Variants in RIF1 observed in about 807,000 individuals in gnomAD.
RIF1 encodes the protein telomere-associated protein RIF1.
A neutral mutation model predicts 247.1 loss-of-function variants in RIF1; 45 were observed. The observed-to-expected ratio is 0.18, with a 90% CI of 0.14 to 0.23. RIF1 has a LOEUF of 0.23. RIF1 is among the 10% of genes least tolerant of loss of function. RIF1 has a pLI of 1.00. For missense variants in RIF1, 2,967 were observed against 2,862.5 expected, an observed-to-expected ratio of 1.04 and a Z score of -0.83; for synonymous variants, 1,087 against 978.8, an observed-to-expected ratio of 1.11 and a Z score of -2.06.
chr2:151,441,874 A>T (rs942801537), intron 15 of RIF1, 31 bp from the exon 16 acceptor site: 8 of 1,026,432 alleles, frequency 7.8e-6, no homozygotes, highest in Admixed American at 2.1e-5. Context: ...TTTTACGGCT[A>T]ATTTACTGTA....
chr2:151,531,901 AT>A, the RIF1 span: 942,743 of 1,566,634 alleles, frequency 0.6, 288,858 homozygotes, highest in Admixed American at 0.7. Flanking sequence ...TTTGATCTAA[AT>A]TGTGGAAGAG....
At chr2:151,521,661 A>T in the RIF1 span, among the ~76,000 whole-genome samples, 1 of 152,198 alleles carries the variant, frequency 6.6e-6, no homozygotes, top group African/African-American at 2.4e-5. Flanking sequence ...CTTTTAGAAG[A>T]TACTTGTTTC....
At chr2:151,455,577 T>C (rs888360592) in intron 22 of RIF1, among the ~76,000 whole-genome samples, 3 of 152,216 alleles carry the variant, frequency 2.0e-5, no homozygotes, top group African/African-American at 7.2e-5. Flanking sequence ...TTAGAAAAAT[T>C]AATAAAATGA....
At chr2:151,503,100 T>A in exon 12 of RIF1, 1 of 588,340 alleles carries the variant, frequency 1.7e-6, no homozygotes, top group Non-Finnish European at 3.0e-6. Context: ...CATTAAGTTA[T>A]ATAACGCTGA....
At chr2:151,489,081 A>G (rs2053818830) in intron 9 of RIF1, among the ~76,000 whole-genome samples, 1 of 152,154 alleles carries the variant, frequency 6.6e-6, no homozygotes, top group South Asian at 2.1e-4. Context: ...TTTATATTGG[A>G]ATTGAATGCA....
At chr2:151,517,364 G>A in the RIF1 span, among the ~76,000 whole-genome samples, 1 of 152,134 alleles carries the variant, frequency 6.6e-6, no homozygotes, top group African/African-American at 2.4e-5. Flanking sequence ...AAAGGCCTGG[G>A]GGCACATACT....
rs2058043130 is a variant in RIF1 at position 151,493,389 on chromosome 2, C to T, written c.*416-1840C>T. ...TTTCTTGGTTGCGCTTAGCTCTCTC[C>T]ATCTCTGGAGTAACAGGTGTCGGAG... On this transcript the variant is annotated intron_variant and NMD_transcript_variant, in intron 9 of 13. Coordinates refer to the RIF1 transcript ENST00000454583. The T allele has an allele frequency of 6.2e-7, 1 of 1,612,286 alleles. No homozygotes were observed. The highest frequency in any genetic ancestry group is 1.3e-5 in the African/African-American group (1 of 74,866).
At chr2:151,471,317 G>A (rs1020348096) in intron 34 of RIF1, among the ~76,000 whole-genome samples, 8 of 152,156 alleles carry the variant, frequency 5.3e-5, no homozygotes, top group African/African-American at 1.4e-4. Context: ...CATTCTGTAG[G>A]TTGCCTGTTC....
Position 151,420,355 on chromosome 2 carries a change from T to C in RIF1, c.669T>C (p.Ser223=), listed in dbSNP as rs1687952124. Residue 223 remains serine, a synonymous_variant, in exon 7 of 36, where the codon TCT becomes TCC. Coordinates refer to ENST00000444746, the MANE Select transcript of RIF1 (RefSeq NM_018151.5). ...LLLQKQQEIA[S]ITEQLMTTKL... is the part of the protein sequence containing the mutation. ...TTCAGAAACAGCAAGAAATAGCATCTATTACGGAGCAGCTTATGACTACTG... is the reference window on the plus strand; with the variant it reads ...TTCAGAAACAGCAAGAAATAGCATCCATTACGGAGCAGCTTATGACTACTG... 1 of 1,614,012 alleles carries C rather than the reference T, an allele frequency of 6.2e-7. No individual in the cohort carries two copies. The highest frequency in any genetic ancestry group is 1.3e-5 in the African/African-American group (1 of 74,930).
intron 21 of RIF1, among the ~76,000 whole-genome samples, chr2:151,453,708 G>A (rs563973596): frequency 8.2e-4 from 125 of 151,858 alleles, no homozygotes; most frequent in Non-Finnish European, 1.6e-3. Flanking sequence ...TAATGCTGTA[G>A]TTCTTTTTCA....
exon 14 of RIF1, chr2:151,507,887 G>T: frequency 1.4e-6 from 1 of 694,840 alleles, no homozygotes. Flanking sequence ...CCTGGGGCAG[G>T]ATGGGAGTTG....
At chr2:151,411,390 T>TG (rs1165135847) in intron 3 of RIF1, 52 bp downstream of exon 3, 1 of 1,271,040 alleles carries the variant, frequency 7.9e-7, no homozygotes, top group South Asian at 1.3e-5. Context: ...TTGGTTTTTT[T>TG]TTTTGGTTTT....
chr2:151,458,565 ATATAATATTC>A (rs1695610443), intron 24 of RIF1, among the ~76,000 whole-genome samples: 1 of 152,120 alleles, frequency 6.6e-6, no homozygotes, highest in Non-Finnish European at 1.5e-5. Flanking sequence ...TGAATACTTT[ATATAATATTC>A]TACTTCTTAT....
At chr2:151,491,976 T>C in intron 9 of RIF1, 2 of 1,141,934 alleles carry the variant, frequency 1.8e-6, no homozygotes, top group Non-Finnish European at 2.5e-6. Context: ...AGGAGCTTTC[T>C]TGCACCTCTA....
chr2:151,506,864 A>T (rs1447453577), intron 13 of RIF1: 1 of 1,252,942 alleles, frequency 8.0e-7, no homozygotes, highest in Middle Eastern at 2.0e-4. Flanking sequence ...GAGGAGAGTG[A>T]AATGACTAGG....
chr2:151,519,491 T>C, the RIF1 span, among the ~76,000 whole-genome samples: 1 of 151,900 alleles, frequency 6.6e-6, no homozygotes, highest in African/African-American at 2.4e-5. Context: ...GAATGGAGAG[T>C]TTTTGCTTAA....
intron 21 of RIF1, among the ~76,000 whole-genome samples, chr2:151,454,036 G>A (rs1036801601): frequency 6.6e-6 from 1 of 152,140 alleles, no homozygotes; most frequent in African/African-American, 2.4e-5. Flanking sequence ...TCAGCATTCT[G>A]TCAGGGAATT....
chr2:151,508,358 G>T (rs2071017256), downstream of RIF1, among the ~76,000 whole-genome samples: 1 of 152,188 alleles, frequency 6.6e-6, no homozygotes, highest in African/African-American at 2.4e-5. Flanking sequence ...TGGCAAAGCT[G>T]GCAGAGGGGG....
At chr2:151,512,229 T>C (rs2075050284), downstream of RIF1, among the ~76,000 whole-genome samples, 1 of 151,972 alleles carries the variant, frequency 6.6e-6, no homozygotes, top group Admixed American at 6.5e-5. Context: ...AGAGATAGAG[T>C]TTCACCGTGT....
Sources: gnomAD v4.1 joint callset for allele counts (sites outside exome capture counted in the v4.1 genomes callset) on GRCh38, gnomAD v4.1.1 for gene constraint, MANE v1.5 for transcripts, NCBI Gene and HGNC (gene_info 2026-07-23, HGNC 2026-07-21) for gene names.